CPLX4: variants seen among roughly 807,000 people sequenced by gnomAD.
CPLX4 encodes the protein complexin 4, also known as complexin-4.
A neutral mutation model predicts 16.1 loss-of-function variants in CPLX4; 17 were observed. That is an observed-to-expected ratio of 1.06 (90% CI 0.72 to 1.59). The LOEUF (loss-of-function observed/expected upper bound fraction) is 1.59. CPLX4 is among the 40% of genes most tolerant of loss of function. The probability of loss-of-function intolerance (pLI) is 0.00; values close to 1 mark genes in which losing one functional copy is unlikely to be tolerated. For synonymous variants in CPLX4, 55 were observed against 57.8 expected (o/e 0.95, Z 0.22); for missense variants, 193 against 192.9 (o/e 1.00, Z 0.00).
chr18:59,301,643 A>C (rs1396770392), intron 2 of CPLX4, among the ~76,000 whole-genome samples: 1 of 152,238 alleles, frequency 6.6e-6, no homozygotes, highest in Non-Finnish European at 1.5e-5. Flanking sequence ...TTAGCTCTGG[A>C]TCCTAACTAA....
intron 2 of CPLX4, among the ~76,000 whole-genome samples, chr18:59,307,587 C>T (rs962897219): frequency 2.6e-5 from 4 of 152,144 alleles, no homozygotes; most frequent in Non-Finnish European, 5.9e-5. Flanking sequence ...TGCCTCTCCT[C>T]TCCTTCCCTC....
At chr18:59,302,774 C>T (rs561527487) in intron 2 of CPLX4, among the ~76,000 whole-genome samples, 1 of 152,312 alleles carries the variant, frequency 6.6e-6, no homozygotes, top group South Asian at 2.1e-4. Flanking sequence ...ATAAACTGGA[C>T]TTCTCTTTTA....
At chr18:59,310,947 C>CGTGTGT (rs56041362) in intron 2 of CPLX4, among the ~76,000 whole-genome samples, 1,488 of 143,616 alleles carry the variant, frequency 0.01, 13 homozygotes, top group East Asian at 0.028. Context: ...CCCAGCCAAT[C>CGTGTGT]GTGTGTGTGT....
intron 2 of CPLX4, among the ~76,000 whole-genome samples, chr18:59,308,516 C>T (rs551467691): frequency 6.6e-6 from 1 of 151,048 alleles, no homozygotes; most frequent in East Asian, 1.9e-4. Flanking sequence ...TTTTCCCCCC[C>T]ATCCCATCCA....
At chr18:59,299,194 C>T (rs2070523028) in intron 2 of CPLX4, among the ~76,000 whole-genome samples, 1 of 152,216 alleles carries the variant, frequency 6.6e-6, no homozygotes, top group Non-Finnish European at 1.5e-5. Flanking sequence ...TTTGCCTTCC[C>T]TAGCGGCTGC....
chr18:59,314,218 G>T (rs1255256185), intron 1 of CPLX4, among the ~76,000 whole-genome samples: 1 of 152,104 alleles, frequency 6.6e-6, no homozygotes, highest in South Asian at 2.1e-4. Context: ...GGAGATTAGC[G>T]ACCTGCGGCA....
intron 2 of CPLX4, among the ~76,000 whole-genome samples, chr18:59,307,692 T>C (rs2070586150): frequency 6.6e-6 from 1 of 151,724 alleles, no homozygotes; most frequent in African/African-American, 2.4e-5. Flanking sequence ...GTCTCCTTGC[T>C]CCTTAATGAA....
chr18:59,306,855 G>A (rs962163251), intron 2 of CPLX4, among the ~76,000 whole-genome samples: 6 of 152,194 alleles, frequency 3.9e-5, no homozygotes, highest in Non-Finnish European at 5.9e-5. Context: ...CACCCAGGGG[G>A]TCATCCCTCA....
At chr18:59,307,543 C>T (rs113050171) in intron 2 of CPLX4, among the ~76,000 whole-genome samples, 47 of 152,156 alleles carry the variant, frequency 3.1e-4, no homozygotes, top group African/African-American at 1.1e-3. Context: ...GTCAGCCCTC[C>T]CCTGGCCTCA....
chr18:59,310,746 G>A (rs2070611037), intron 2 of CPLX4, among the ~76,000 whole-genome samples: 1 of 152,120 alleles, frequency 6.6e-6, no homozygotes, highest in Non-Finnish European at 1.5e-5. Context: ...TTTTATAGAT[G>A]AGGATACTGA....
chr18:59,318,175 G>A (rs2070663361), intron 1 of CPLX4, 121 bp downstream of exon 1: 1 of 1,441,914 alleles, frequency 6.9e-7, no homozygotes, highest in African/African-American at 1.4e-5. Context: ...TGGGTTAGAG[G>A]TAAACGGCAA....
At chr18:59,309,540 G>A (rs865896233) in intron 2 of CPLX4, among the ~76,000 whole-genome samples, 1 of 152,160 alleles carries the variant, frequency 6.6e-6, no homozygotes, top group African/African-American at 2.4e-5. Context: ...AGAGTAGAAA[G>A]AGGCCGGGCG....
chr18:59,308,919 A>G (rs2070596922), intron 2 of CPLX4, among the ~76,000 whole-genome samples: 1 of 152,238 alleles, frequency 6.6e-6, no homozygotes, highest in Non-Finnish European at 1.5e-5. Context: ...CGCGGGAGGC[A>G]GAGGAGGCGC....
chr18:59,299,306 T>A (rs938192537), intron 2 of CPLX4, among the ~76,000 whole-genome samples: 1 of 152,232 alleles, frequency 6.6e-6, no homozygotes, highest in African/African-American at 2.4e-5. Flanking sequence ...ACATCTGCCC[T>A]CTCTTATGCA....
chr18:59,316,004 T>A (rs965393551), intron 1 of CPLX4, among the ~76,000 whole-genome samples: 4 of 152,148 alleles, frequency 2.6e-5, no homozygotes, highest in Non-Finnish European at 5.9e-5. Context: ...AGAAAACCCA[T>A]CTCTTCCATT....
At chr18:59,306,847 C>T (rs1258074287) in intron 2 of CPLX4, among the ~76,000 whole-genome samples, 4 of 152,192 alleles carry the variant, frequency 2.6e-5, no homozygotes, top group Non-Finnish European at 4.4e-5. Flanking sequence ...GAATGAGGCA[C>T]CCAGGGGGTC....
chr18:59,303,216 A>G (rs2070553816), intron 2 of CPLX4, among the ~76,000 whole-genome samples: 1 of 152,170 alleles, frequency 6.6e-6, no homozygotes, highest in African/African-American at 2.4e-5. Context: ...AGCTACTTAA[A>G]GAGCCCTCAG....
intron 2 of CPLX4, among the ~76,000 whole-genome samples, chr18:59,303,955 C>T (rs977234521): frequency 5.9e-5 from 9 of 152,210 alleles, no homozygotes; most frequent in South Asian, 4.1e-4. Flanking sequence ...CAGGAGGTTT[C>T]GGTGTCTCAG....
intron 1 of CPLX4, 90 bp from the exon 2 acceptor site, chr18:59,312,862 C>A: frequency 1.5e-6 from 1 of 661,240 alleles, no homozygotes; most frequent in South Asian, 2.0e-5. Context: ...AGGGTTACAC[C>A]TTCTGAGATG....
Sources: gnomAD v4.1 joint callset for allele counts (sites outside exome capture counted in the v4.1 genomes callset) on GRCh38, gnomAD v4.1.1 for gene constraint, MANE v1.5 for transcripts, NCBI Gene and HGNC (gene_info 2026-07-23, HGNC 2026-07-21) for gene names.